The following HDAC8 variants were observed in gnomAD, a reference collection of about 807,000 sequenced individuals.
HDAC8 encodes histone deacetylase 8, also known as histone deacetylase-like 1.
HDAC8 carries 1 observed loss-of-function variant against 32.2 expected under a neutral mutation model. The ratio of observed to expected loss-of-function variants is 0.03; its 90% confidence interval spans 0.01 to 0.15. The LOEUF (loss-of-function observed/expected upper bound fraction) is 0.15, where lower values mean the gene tolerates loss of function less well. Ranked by LOEUF, HDAC8 falls within the 10% of genes least tolerant of loss-of-function variation. HDAC8 has a pLI of 1.00. For missense variants in HDAC8, 117 were observed against 300.0 expected (o/e 0.39, Z 4.51); for synonymous variants, 108 against 113.9 (o/e 0.95, Z 0.33).
At chrX:72,539,967 G>A (rs782721586) in intron 4 of HDAC8, among the ~76,000 whole-genome samples, 1 of 112,291 alleles carries the variant, frequency 8.9e-6, no homozygotes, top group Non-Finnish European at 1.9e-5. Context: ...GGTCAAACAA[G>A]CCCAGAGGAA....
At chrX:72,474,430 A>G (rs1230897512) in intron 7 of HDAC8, 14 of 962,629 alleles carry the variant, frequency 1.5e-5, no homozygotes, top group African/African-American at 4.1e-5. Context: ...TGCTTTTGGG[A>G]AAGTTTCCCT....
intron 9 of HDAC8, among the ~76,000 whole-genome samples, chrX:72,390,963 A>G (rs1202885802): frequency 3.6e-5 from 4 of 112,296 alleles, no homozygotes; most frequent in Non-Finnish European, 7.5e-5. Context: ...AAAAAACAGA[A>G]CAGGCAGTAC....
At chrX:72,411,030 C>CTTTTCTTTCTTTCTTTCTT (rs113344428) in intron 9 of HDAC8, among the ~76,000 whole-genome samples, 1 of 83,581 alleles carries the variant, frequency 1.2e-5, no homozygotes, top group African/African-American at 5.1e-5. Flanking sequence ...TTCTTTCTTT[C>CTTTTCTTTCTTTCTTTCTT]TTTTTTTTTT....
At chrX:72,429,465 C>T (rs1391927390) in intron 9 of HDAC8, among the ~76,000 whole-genome samples, 2 of 111,837 alleles carry the variant, frequency 1.8e-5, no homozygotes, top group African/African-American at 3.3e-5. Flanking sequence ...TCCCAGTGCC[C>T]GAGTCTATCT....
chrX:72,528,791 A>G (rs2050239262), intron 4 of HDAC8, among the ~76,000 whole-genome samples: 1 of 111,768 alleles, frequency 8.9e-6, no homozygotes, highest in Non-Finnish European at 1.9e-5. Context: ...GGGTGGAACT[A>G]CCTTACTCAT....
At chrX:72,397,454 G>A (rs1488884761) in intron 9 of HDAC8, among the ~76,000 whole-genome samples, 8 of 111,780 alleles carry the variant, frequency 7.2e-5, no homozygotes, top group Admixed American at 2.8e-4. Flanking sequence ...ATATTTGTAT[G>A]TAATTTCTAC....
intron 9 of HDAC8, among the ~76,000 whole-genome samples, chrX:72,396,991 C>T (rs1478954965): frequency 2.7e-5 from 3 of 111,537 alleles, no homozygotes; most frequent in African/African-American, 9.8e-5. Context: ...AGTATGGTGC[C>T]AGGCATCTGC....
chrX:72,433,598 C>T (rs2046875340), intron 9 of HDAC8, among the ~76,000 whole-genome samples: 1 of 111,817 alleles, frequency 8.9e-6, no homozygotes. Flanking sequence ...TACCCAATAT[C>T]GTGTGTATAT....
rs782137877 is a variant in HDAC8 at position 72,468,041 on chromosome X, A to C, written c.738-3310T>G. ...ATGGGTATTGAAAAGGTTGATAAGA[A>C]GCTTTCAGAAAGGTAGGGCATCTTG... On this transcript the variant is annotated intron_variant, in intron 7 of 10. Transcript: ENST00000373573. The C allele has an allele frequency of 1.1e-5, 13 of 1,172,500 alleles. No homozygotes were observed. The South Asian group carries it at 2.6e-4, about 23-fold the overall frequency.
At chrX:72,572,414 C>T (rs1305852263) in intron 1 of HDAC8, 3 of 411,207 alleles carry the variant, frequency 7.3e-6, no homozygotes, top group East Asian at 4.0e-5. Flanking sequence ...TCCCCTCCTC[C>T]GTACCCCCTC....
intron 6 of HDAC8, among the ~76,000 whole-genome samples, chrX:72,490,702 A>G (rs1297650455): frequency 1.9e-5 from 2 of 108,060 alleles, no homozygotes; most frequent in Non-Finnish European, 3.8e-5. Context: ...GTGTATACAT[A>G]TGTAACTAAC....
intron 9 of HDAC8, among the ~76,000 whole-genome samples, chrX:72,373,108 A>G (rs1236644196): frequency 8.9e-6 from 1 of 112,239 alleles, no homozygotes; most frequent in Non-Finnish European, 1.9e-5. Flanking sequence ...GTCCAAGGTC[A>G]TAGAGCTCAT....
Position 72,382,734 on chromosome X carries a change from G to A in HDAC8, c.1006-30896C>T, listed in dbSNP as rs1377083202. On this transcript the variant is annotated intron_variant, in intron 9 of 10. Transcript: ENST00000373573. ...GTAGATTGGTTGTTTCCAGGGGGTC[G>A]GGGGAGAGGAGATTGATTGCTAGTG... Among the ~76,000 whole-genome samples the A allele has an allele frequency of 2.7e-5, 3 of 111,369 alleles. No individual in the cohort carries two copies. The East Asian group carries it at 8.5e-4, about 31-fold the overall frequency.
chrX:72,340,560 G>T (rs2043860822), intron 10 of HDAC8, among the ~76,000 whole-genome samples: 1 of 44,645 alleles, frequency 2.2e-5, no homozygotes, highest in African/African-American at 8.8e-5. Flanking sequence ...TCGCTCTCTT[G>T]CACAAAAAAC....
At chrX:72,560,586 AAAAAG>A (rs1556117741) in intron 4 of HDAC8, among the ~76,000 whole-genome samples, 1 of 107,120 alleles carries the variant, frequency 9.3e-6, no homozygotes, top group Non-Finnish European at 1.9e-5. Context: ...AAAAAAAAAA[AAAAAG>A]AAATGGTAAC....
intron 4 of HDAC8, among the ~76,000 whole-genome samples, chrX:72,496,253 T>G (rs2049015208): frequency 9.0e-6 from 1 of 111,078 alleles, no homozygotes; most frequent in African/African-American, 3.3e-5. Context: ...TCACAATGCA[T>G]AAACTTCTTC....
At chrX:72,487,368 A>T (rs2148119323) in intron 7 of HDAC8, among the ~76,000 whole-genome samples, 1 of 112,073 alleles carries the variant, frequency 8.9e-6, no homozygotes, top group African/African-American at 3.2e-5. Context: ...ATTTTTTCTG[A>T]CTGAAGAAGG....
intron 9 of HDAC8, among the ~76,000 whole-genome samples, chrX:72,447,923 G>A (rs1464583586): frequency 6.3e-5 from 7 of 111,500 alleles, no homozygotes; most frequent in Non-Finnish European, 1.3e-4. Context: ...CACTGCTCAA[G>A]GAAATAAGAG....
chrX:72,454,312 A>G (rs1201644906), intron 9 of HDAC8, among the ~76,000 whole-genome samples: 2 of 111,138 alleles, frequency 1.8e-5, no homozygotes, highest in African/African-American at 6.5e-5. Flanking sequence ...GTCCAGCCAA[A>G]CACAGCCCAA....
Sources: allele counts gnomAD v4.1 joint callset (sites outside exome capture counted in the v4.1 genomes callset), GRCh38; gene constraint gnomAD v4.1.1; transcripts MANE v1.5; gene names NCBI Gene and HGNC (gene_info 2026-07-23, HGNC 2026-07-21).